TCERG1: variants seen among roughly 807,000 people sequenced by gnomAD.
TCERG1 encodes transcription elongation regulator 1, also known as TATA box binding protein (TBP)-associated factor, RNA polymerase II, S, 150kD.
TCERG1 carries 37 observed loss-of-function variants against 144.7 expected under a neutral mutation model. The ratio of observed to expected loss-of-function variants is 0.26; its 90% confidence interval spans 0.20 to 0.34. The LOEUF (loss-of-function observed/expected upper bound fraction) is 0.34. Ranked by LOEUF, TCERG1 falls within the 10% of genes least tolerant of loss-of-function variation. TCERG1 has a pLI of 1.00. For synonymous variants in TCERG1, 492 were observed against 458.2 expected, an observed-to-expected ratio of 1.07 and a Z score of -0.94; for missense variants, 1,027 against 1,380.7, an observed-to-expected ratio of 0.74 and a Z score of 4.06.
intron 1 of TCERG1, among the ~76,000 whole-genome samples, chr5:146,454,037 C>CAAAAAAA (rs56657111): frequency 1.6e-4 from 21 of 129,802 alleles, no homozygotes; most frequent in East Asian, 6.4e-4. Context: ...TACTCAAATA[C>CAAAAAAA]AAAAAAAAAA....
At chr5:146,499,095 C>G (rs1767199931) in intron 17 of TCERG1, among the ~76,000 whole-genome samples, 1 of 152,144 alleles carries the variant, frequency 6.6e-6, no homozygotes, top group Non-Finnish European at 1.5e-5. Context: ...TTTCAGTAAA[C>G]ATATCTTACA....
chr5:146,479,768 TA>T, intron 10 of TCERG1, 86 bp from the exon 11 acceptor site: 1 of 1,296,376 alleles, frequency 7.7e-7, no homozygotes, highest in East Asian at 2.5e-5. Flanking sequence ...GAGGTGAATA[TA>T]TTATGTAAAC....
In TCERG1 at chr5:146,463,674, C is replaced by T. The variant is rs1199790882; in HGVS notation, c.1016C>T (p.Thr339Met). The T allele has an allele frequency of 5.0e-6, 8 of 1,614,198 alleles. No individual in the cohort carries two copies. Among genetic ancestry groups the T allele is most frequent in the Middle Eastern group, 1.6e-4 (1 of 6,062 alleles). The change falls in exon 5 of 23, where the codon ACG becomes ATG. Residue 339 changes from threonine (T) to methionine (M), a missense_variant. This residue lies in a region of TCERG1 where 187 missense variants were observed against 169.1 expected (regional missense o/e 1.11). Transcript: ENST00000679501. ...ACCGTTCCCCAGCCGCACCCTCAGA[C>T]GTTACCTCCTGCTGTTCCTCATTCA... is the stretch of plus-strand genomic sequence containing the variant. ...VQTVPQPHPQTLPPAVPHSVP... is the reference protein window; with the variant it reads ...VQTVPQPHPQMLPPAVPHSVP...
chr5:146,510,628 C>T lies in TCERG1; in HGVS notation c.3334C>T (p.Arg1112Ter). Residue 1112 changes from arginine to a stop codon, truncating the protein, a stop_gained, in exon 23 of 23, where the codon CGA (arginine) becomes TGA (stop). Transcript: ENST00000679501. LOFTEE classifies it high-confidence loss of function. ...PPPTASEPTR[R>*]STK ...TCCCACAGCATCGGAGCCCACGAGA[C>T]GATCAACAAAATAATTCTAAATACT... is the stretch of plus-strand genomic sequence containing the variant. 5 of 1,612,380 alleles carry T rather than the reference C, an allele frequency of 3.1e-6. No homozygotes were observed. The highest frequency in any genetic ancestry group is 4.2e-6 in the Non-Finnish European group (5 of 1,179,194).
chr5:146,471,775 T>G (rs1341197078), intron 9 of TCERG1, among the ~76,000 whole-genome samples, 199 bp downstream of exon 9: 1 of 152,100 alleles, frequency 6.6e-6, no homozygotes, highest in Non-Finnish European at 1.5e-5. Flanking sequence ...ATTTTTGTAT[T>G]TTTAGTAGAG....
chr5:146,476,918 G>C (rs901622340), intron 9 of TCERG1, among the ~76,000 whole-genome samples: 2 of 152,120 alleles, frequency 1.3e-5, no homozygotes, highest in African/African-American at 4.8e-5. Flanking sequence ...ATCACGCCTG[G>C]ATAATTTAAA....
chr5:146,472,973 A>G (rs1764485190), intron 9 of TCERG1, among the ~76,000 whole-genome samples: 1 of 152,142 alleles, frequency 6.6e-6, no homozygotes, highest in South Asian at 2.1e-4. Flanking sequence ...TTGGCCTCCC[A>G]AAGTGCTGGG....
chr5:146,501,954 G>A (rs1319412035), intron 17 of TCERG1, among the ~76,000 whole-genome samples: 1 of 139,036 alleles, frequency 7.2e-6, no homozygotes, highest in African/African-American at 2.7e-5. Context: ...GAGTGCAATG[G>A]TGCAGTCTCA....
At position 146,459,113 on chromosome 5, in the gene TCERG1, C is replaced by T; in HGVS notation, c.668C>T (p.Ala223Val). 1 of 1,596,670 alleles carries T rather than the reference C, an allele frequency of 6.3e-7. No individual in the cohort carries two copies. Among genetic ancestry groups the T allele is most frequent in the Non-Finnish European group, 8.6e-7 (1 of 1,166,654 alleles). The change falls in exon 4 of 23, where the codon GCC becomes GTC. Residue 223 changes from alanine (A) to valine (V), a missense_variant. Transcript: ENST00000679501. Reference protein sequence around the residue: ...AQAQAQAQAQAQAQAQAQAQA... With the variant: ...AQAQAQAQAQVQAQAQAQAQA... ...GCCCAGGCCCAGGCCCAGGCCCAAG[C>T]CCAAGCCCAGGCCCAGGCTCAGGCT...
chr5:146,472,402 G>C (rs1266777008), intron 9 of TCERG1, among the ~76,000 whole-genome samples: 1 of 151,828 alleles, frequency 6.6e-6, no homozygotes, highest in African/African-American at 2.4e-5. Context: ...TAATTCTTGG[G>C]ATATTTCAAA....
At chr5:146,463,444 A>C (rs558138329) in intron 4 of TCERG1, 107 bp from the exon 5 acceptor site, 4 of 1,511,060 alleles carry the variant, frequency 2.6e-6, no homozygotes, top group Non-Finnish European at 3.6e-6. Context: ...TGCAGTGCAT[A>C]GAATGGTCCC....
chr5:146,509,398 C>T (rs1581592621), intron 22 of TCERG1, among the ~76,000 whole-genome samples, 153 bp downstream of exon 22: 1 of 150,866 alleles, frequency 6.6e-6, no homozygotes, highest in East Asian at 1.9e-4. Context: ...CAAATACAGC[C>T]CATATCTACC....
At position 146,510,886 on chromosome 5, in the gene TCERG1, A is replaced by G. The variant is rs1306670747; in HGVS notation, c.*244A>G. 1.8e-5 allele frequency: 6 copies of G among 333,238 alleles called. No homozygotes were observed. The highest frequency in any genetic ancestry group is 3.3e-5 in the Non-Finnish European group (6 of 183,520). The allele number at this position is 333,238 out of a possible 1,614,324, so 20.6% of individuals were successfully genotyped here. ...TAGTAAATCTTAAAATCTTGAAGCT[A>G]AAATTCATCCTTTTATGAGGTGTGG... is the stretch of plus-strand genomic sequence containing the variant. On this transcript the variant is annotated 3_prime_UTR_variant, in exon 23 of 23. Transcript: ENST00000679501.
chr5:146,510,859 T>C lies in TCERG1; in HGVS notation c.*217T>C, dbSNP rs760319288. ...CATACATACTCAAATATAGGCTGTC[T>C]CTAGTAAATCTTAAAATCTTGAAGC... On this transcript the variant is annotated 3_prime_UTR_variant, in exon 23 of 23. Transcript: ENST00000679501. The C allele has an allele frequency of 2.1e-4, 81 of 385,134 alleles. No individual in the cohort carries two copies. The highest frequency in any genetic ancestry group is 3.4e-4 in the Non-Finnish European group (74 of 218,044). The allele number at this position is 385,134 out of a possible 1,614,324, so 23.9% of individuals were successfully genotyped here. A position where few individuals can be genotyped will look rare whatever the true frequency, so the allele number is the denominator to read the frequency against.
chr5:146,507,884 A>T lies in TCERG1; in HGVS notation c.2973A>T (p.Thr991=), dbSNP rs552016231. Reference sequence around the variant, plus strand: ...ATGTCTTTTCAAAGATTACCTTAACATCCACGTGGAAAGAAGTAAAAAAAA... The same window carrying T: ...ATGTCTTTTCAAAGATTACCTTAACTTCCACGTGGAAAGAAGTAAAAAAAA... ...LLDETSAITL[T]STWKEVKKII... is the part of the protein sequence containing the mutation. Residue 991 remains threonine (T), a synonymous_variant, in exon 21 of 23, where the codon ACA becomes ACT. Transcript: ENST00000679501. The surrounding 1 kb of genome is among the most constrained non-coding windows in gnomAD (Gnocchi z 4.6). The T allele has an allele frequency of 1.9e-6, 3 of 1,609,124 alleles. No homozygotes were observed. Among genetic ancestry groups the T allele is most frequent in the African/African-American group, 1.3e-5 (1 of 74,872 alleles).
chr5:146,484,831 C>A (rs924926283), intron 15 of TCERG1, among the ~76,000 whole-genome samples: 1 of 152,084 alleles, frequency 6.6e-6, no homozygotes, highest in African/African-American at 2.4e-5. Flanking sequence ...TTAATCATTT[C>A]CCCCATTAAC....
chr5:146,480,182 T>C (rs1216728372), intron 12 of TCERG1, 88 bp downstream of exon 12: 3 of 999,968 alleles, frequency 3.0e-6, no homozygotes, highest in Non-Finnish European at 4.5e-6. Context: ...GGACAGGTAA[T>C]GTGAATGTTG....
intron 2 of TCERG1, among the ~76,000 whole-genome samples, chr5:146,456,130 A>G (rs1246745671): frequency 6.6e-6 from 1 of 152,214 alleles, no homozygotes; most frequent in Non-Finnish European, 1.5e-5. Flanking sequence ...CTGTTTAGGT[A>G]GGGTTGTGGT....
At position 146,511,877 on chromosome 5, in the gene TCERG1, C is replaced by A. The variant is rs1581599483; in HGVS notation, c.*1235C>A. On this transcript the variant is annotated 3_prime_UTR_variant, in exon 23 of 23. Coordinates refer to ENST00000679501, the MANE Select transcript of TCERG1 (RefSeq NM_001382548.1). Reference sequence around the variant, plus strand: ...CTAATTGATATATCTAGCTTTACCTCCCGAGTTAAAAAAAAATCTTTTTAT... The same window carrying A: ...CTAATTGATATATCTAGCTTTACCTACCGAGTTAAAAAAAAATCTTTTTAT... 6 of 40,404 alleles carry A rather than the reference C, an allele frequency of 1.5e-4. 1 individual carries two copies. Among genetic ancestry groups the A allele is most frequent in the African/African-American group, 5.1e-4 (6 of 11,880 alleles). 2.5% of individuals were successfully genotyped at this position (40,404 alleles called of 1,614,324 possible).
Sources: gnomAD v4.1 joint callset for allele counts (sites outside exome capture counted in the v4.1 genomes callset) on GRCh38, gnomAD v4.1.1 for gene constraint, gnomAD v4.1.1 regional missense constraint, Gnocchi (gnomAD v3.1) non-coding constraint, MANE v1.5 for transcripts, NCBI Gene and HGNC (gene_info 2026-07-23, HGNC 2026-07-21) for gene names.